Variants in ELK3 observed in about 807,000 individuals in gnomAD.
ELK3 encodes ETS transcription factor ELK3.
In ELK3, 10 loss-of-function variants were observed where a neutral mutation model predicts 28.9. That is an observed-to-expected ratio of 0.35 (90% CI 0.21 to 0.59). ELK3 has a LOEUF of 0.59. Ranked by LOEUF, ELK3 falls within the 20% of genes least tolerant of loss-of-function variation. The pLI, the probability that ELK3 is intolerant of heterozygous loss-of-function variation, is 0.82. For missense variants in ELK3, 463 were observed against 517.3 expected (o/e 0.90, Z 1.02); for synonymous variants, 272 against 243.5 (o/e 1.12, Z -1.09).
At chr12:96,202,461 T>A (rs1355391680) in intron 1 of ELK3, among the ~76,000 whole-genome samples, 1 of 151,712 alleles carries the variant, frequency 6.6e-6, no homozygotes, top group Non-Finnish European at 1.5e-5. Context: ...AAGCCTTTCC[T>A]GTCACCTAGA....
chr12:96,195,821 T>C (rs1427099524), intron 1 of ELK3, among the ~76,000 whole-genome samples: 1 of 152,176 alleles, frequency 6.6e-6, no homozygotes, highest in African/African-American at 2.4e-5. Flanking sequence ...CTTAGGTTTA[T>C]GTATTTGTGC....
chr12:96,247,853 G>A lies in ELK3; in HGVS notation c.1002+119G>A. The A allele has an allele frequency of 8.0e-7, 1 of 1,246,628 alleles. No individual in the cohort carries two copies. The highest frequency in any genetic ancestry group is 2.6e-5 in the East Asian group (1 of 39,024). The allele number at this position is 1,246,628 out of a possible 1,614,324, so 77.2% of individuals were successfully genotyped here. On this transcript the variant is annotated intron_variant, in intron 3 of 4. Coordinates refer to ENST00000228741, the MANE Select transcript of ELK3 (RefSeq NM_005230.4). This position sits in a 1 kb window ranked among gnomAD's most constrained non-coding sequence, Gnocchi z 5.5. Reference sequence around the variant, plus strand: ...AACGTTGTCCTATGACTCGTACCGAGGTCACTGTGTAAATGTGAAGGGAAG... The same window carrying A: ...AACGTTGTCCTATGACTCGTACCGAAGTCACTGTGTAAATGTGAAGGGAAG...
intron 1 of ELK3, among the ~76,000 whole-genome samples, chr12:96,219,554 G>A (rs979331569): frequency 4.6e-5 from 7 of 152,156 alleles, no homozygotes; most frequent in South Asian, 4.1e-4. Flanking sequence ...CGAGTGGAAC[G>A]AAAACAATAT....
Position 96,268,579 on chromosome 12 carries a change from C to T in ELK3, c.*1399C>T, listed in dbSNP as rs1952060152. The stretch of plus-strand genomic sequence containing the variant: ...GTTCTAATACAAGAAAACTGAAAAG[C>T]ACCAAGCTTTAAATTCAAGATTAAT... On this transcript the variant is annotated 3_prime_UTR_variant, in exon 5 of 5. Coordinates refer to ENST00000228741, the MANE Select transcript of ELK3 (RefSeq NM_005230.4). The T allele has an allele frequency of 1.3e-5, 2 of 152,268 alleles. No homozygotes were observed. Among genetic ancestry groups the T allele is most frequent in the South Asian group, 4.1e-4 (2 of 4,828 alleles). 9.4% of individuals were successfully genotyped at this position (152,268 alleles called of 1,614,324 possible). A position where few individuals can be genotyped will look rare whatever the true frequency, so the allele number is the denominator to read the frequency against.
rs1305029427 is a variant in ELK3 at position 96,268,750 on chromosome 12, A to T, written c.*1570A>T. 1 of 152,222 alleles carries T rather than the reference A, an allele frequency of 6.6e-6. No homozygotes were observed. The highest frequency in any genetic ancestry group is 2.4e-5 in the African/African-American group (1 of 41,450). 9.4% of individuals were successfully genotyped at this position (152,222 alleles called of 1,614,324 possible). ...CACATTTCTTGAATTTTCAGAAAAA[A>T]ATCTAGACTATTGCTTTGACACTTA... On this transcript the variant is annotated 3_prime_UTR_variant, in exon 5 of 5. Transcript: ENST00000228741.
At chr12:96,205,617 T>C (rs925069671) in intron 1 of ELK3, among the ~76,000 whole-genome samples, 3 of 152,316 alleles carry the variant, frequency 2.0e-5, no homozygotes, top group African/African-American at 7.2e-5. Context: ...CCACTGGGAT[T>C]ACAGGCTTGA....
intron 1 of ELK3, among the ~76,000 whole-genome samples, chr12:96,195,347 C>T (rs1951456552): frequency 6.6e-6 from 1 of 152,140 alleles, no homozygotes; most frequent in Non-Finnish European, 1.5e-5. Context: ...GGCGCACGCC[C>T]CATCGGACAT....
intron 1 of ELK3, among the ~76,000 whole-genome samples, chr12:96,206,152 G>A (rs1342711264): frequency 6.6e-6 from 1 of 152,010 alleles, no homozygotes; most frequent in Non-Finnish European, 1.5e-5. Flanking sequence ...CATCCTTTGT[G>A]TGTTTTTTTT....
At chr12:96,237,481 A>G (rs1464517805) in intron 2 of ELK3, among the ~76,000 whole-genome samples, 2 of 152,220 alleles carry the variant, frequency 1.3e-5, no homozygotes, top group Admixed American at 6.5e-5. Flanking sequence ...CTCTGCTTCA[A>G]TGGCAGAGAC....
At chr12:96,202,902 A>C (rs930667274) in intron 1 of ELK3, among the ~76,000 whole-genome samples, 1 of 150,978 alleles carries the variant, frequency 6.6e-6, no homozygotes. Context: ...AAACACAGGA[A>C]CATGAGATGG....
chr12:96,251,910 T>C (rs1036550499), intron 3 of ELK3, among the ~76,000 whole-genome samples: 2 of 152,240 alleles, frequency 1.3e-5, no homozygotes, highest in Admixed American at 6.5e-5. Flanking sequence ...CCAGAAGATC[T>C]AGCTACGCTC....
Position 96,268,894 on chromosome 12 carries a change from C to T in ELK3, c.*1714C>T, listed in dbSNP as rs1286776679. 2.0e-5 allele frequency: 3 copies of T among 152,228 alleles called. No individual in the cohort carries two copies. The highest frequency in any genetic ancestry group is 4.4e-5 in the Non-Finnish European group (3 of 68,056). The allele number at this position is 152,228 out of a possible 1,614,324, so 9.4% of individuals were successfully genotyped here. A position where few individuals can be genotyped will look rare whatever the true frequency, so the allele number is the denominator to read the frequency against. ...CCTCCTTGACTGTAAAGTAATGACA[C>T]TGGTTCCAAAATTCACAAATAATAG... On this transcript the variant is annotated 3_prime_UTR_variant, in exon 5 of 5. Transcript: ENST00000228741.
intron 2 of ELK3, among the ~76,000 whole-genome samples, chr12:96,232,645 C>A (rs1951751055): frequency 6.6e-6 from 1 of 151,540 alleles, no homozygotes; most frequent in Non-Finnish European, 1.5e-5. Flanking sequence ...GGGGAATGCT[C>A]ACACCTGTAA....
intron 2 of ELK3, among the ~76,000 whole-genome samples, chr12:96,236,343 C>G (rs950511070): frequency 6.6e-6 from 1 of 152,082 alleles, no homozygotes; most frequent in Non-Finnish European, 1.5e-5. Flanking sequence ...CTCACTAGCA[C>G]CCTCAGGGTG....
chr12:96,267,783 A>C lies in ELK3; in HGVS notation c.*603A>C, dbSNP rs1296575507. Reference sequence around the variant, plus strand: ...TGAACTGAAATTCAGTAAATGTCCAAGTAATGTTTTTATAATAAACTAAGC... The same window carrying C: ...TGAACTGAAATTCAGTAAATGTCCACGTAATGTTTTTATAATAAACTAAGC... On this transcript the variant is annotated 3_prime_UTR_variant, in exon 5 of 5. Transcript: ENST00000228741. 1 of 152,680 alleles carries C rather than the reference A, an allele frequency of 6.5e-6. No individual in the cohort carries two copies. The highest frequency in any genetic ancestry group is 1.5e-5 in the Non-Finnish European group (1 of 68,062). The allele number at this position is 152,680 out of a possible 1,614,324, so 9.5% of individuals were successfully genotyped here. A position where few individuals can be genotyped will look rare whatever the true frequency, so the allele number is the denominator to read the frequency against.
At chr12:96,263,216 A>G (rs1952006565) in intron 4 of ELK3, among the ~76,000 whole-genome samples, 1 of 152,176 alleles carries the variant, frequency 6.6e-6, no homozygotes, top group South Asian at 2.1e-4. Context: ...AATTCCAAGG[A>G]AGGAGAGAGA....
chr12:96,200,704 C>T (rs1456377849), intron 1 of ELK3, among the ~76,000 whole-genome samples: 2 of 152,148 alleles, frequency 1.3e-5, no homozygotes, highest in Non-Finnish European at 2.9e-5. Context: ...GCTCTGTTGC[C>T]CAGGCTGGAG....
At position 96,268,843 on chromosome 12, in the gene ELK3, G is replaced by A. The variant is rs1317619272; in HGVS notation, c.*1663G>A. 6.6e-6 allele frequency: 1 copy of A among 152,168 alleles called. No homozygotes were observed. Among genetic ancestry groups the A allele is most frequent in the Non-Finnish European group, 1.5e-5 (1 of 68,032 alleles). 9.4% of individuals were successfully genotyped at this position (152,168 alleles called of 1,614,324 possible). On this transcript the variant is annotated 3_prime_UTR_variant, in exon 5 of 5. Transcript: ENST00000228741. ...GTGGGGATGTGGGCCCTTATCAAGGGATAAAAATCCAAACACTCTAACATG... is the reference window on the plus strand; with the variant it reads ...GTGGGGATGTGGGCCCTTATCAAGGAATAAAAATCCAAACACTCTAACATG...
intron 1 of ELK3, among the ~76,000 whole-genome samples, chr12:96,221,630 T>C (rs1592676618): frequency 6.6e-6 from 1 of 152,164 alleles, no homozygotes; most frequent in East Asian, 1.9e-4. Flanking sequence ...GAGAAGAAAG[T>C]TGTGGCTCAT....
Sources: gnomAD v4.1 joint callset for allele counts (sites outside exome capture counted in the v4.1 genomes callset) on GRCh38, gnomAD v4.1.1 for gene constraint, Gnocchi (gnomAD v3.1) non-coding constraint, MANE v1.5 for transcripts, NCBI Gene and HGNC (gene_info 2026-07-23, HGNC 2026-07-21) for gene names.